CCSER1: variants seen among roughly 807,000 people sequenced by gnomAD.
CCSER1 encodes the protein coiled-coil serine rich protein 1.
In CCSER1, 41 loss-of-function variants were observed where a neutral mutation model predicts 82.0. The observed-to-expected ratio is 0.50, with a 90% CI of 0.39 to 0.65. CCSER1 has a LOEUF of 0.65. Among genes scored for constraint, CCSER1 ranks in the 30% least tolerant of loss-of-function variants. CCSER1 has a pLI of 0.00. For synonymous variants in CCSER1, 414 were observed against 383.9 expected (o/e 1.08, Z -0.92); for missense variants, 1,119 against 1,064.2 (o/e 1.05, Z -0.72).
chr4:91,080,779 C>T (rs1037342567), intron 9 of CCSER1, among the ~76,000 whole-genome samples: 1 of 152,172 alleles, frequency 6.6e-6, no homozygotes, highest in African/African-American at 2.4e-5. Flanking sequence ...TCAGAGAATA[C>T]TATAAACACC....
chr4:91,450,492 G>A (rs866992851), intron 10 of CCSER1, among the ~76,000 whole-genome samples: 5 of 151,904 alleles, frequency 3.3e-5, no homozygotes, highest in East Asian at 1.9e-4. Flanking sequence ...TTCACACATC[G>A]GACTATAGGT....
In CCSER1 at chr4:90,874,624, G is replaced by A. The variant is rs4144815; in HGVS notation, c.2095-48746G>A. Among the ~76,000 whole-genome samples, 205 of 152,200 alleles carry A rather than the reference G, an allele frequency of 1.3e-3. 4 individuals are homozygous for A. In the East Asian group the frequency reaches 0.021, roughly 16 times the overall value. ...TTTGTCTAAGTATTTCACAAAAAAC[G>A]AATTCAACAAATGCTTATAGATGAC... On this transcript the variant is annotated intron_variant, in intron 8 of 10. Coordinates refer to ENST00000509176, the MANE Select transcript of CCSER1 (RefSeq NM_001145065.2).
At chr4:90,299,050 CAAGATT>C (rs1732572649) in intron 1 of CCSER1, among the ~76,000 whole-genome samples, 2 of 151,206 alleles carry the variant, frequency 1.3e-5, no homozygotes, top group Admixed American at 6.6e-5. Flanking sequence ...GGCTGAGTAT[CAAGATT>C]ACGTATATAA....
chr4:90,971,541 G>A (rs763246389), intron 9 of CCSER1, among the ~76,000 whole-genome samples: 4 of 151,890 alleles, frequency 2.6e-5, no homozygotes, highest in Non-Finnish European at 5.9e-5. Flanking sequence ...GCAAAGAAAA[G>A]CCTGCAACCA....
At chr4:91,480,022 T>A (rs1268944821) in intron 10 of CCSER1, among the ~76,000 whole-genome samples, 2 of 145,856 alleles carry the variant, frequency 1.4e-5, no homozygotes, top group Non-Finnish European at 3.0e-5. Flanking sequence ...GATAGTTTAC[T>A]GAGAATGATG....
At chr4:90,667,300 T>C (rs1303202588) in intron 6 of CCSER1, among the ~76,000 whole-genome samples, 1 of 152,144 alleles carries the variant, frequency 6.6e-6, no homozygotes, top group Non-Finnish European at 1.5e-5. Flanking sequence ...CATTGTGTCA[T>C]TGTGAAGATT....
intron 9 of CCSER1, among the ~76,000 whole-genome samples, chr4:91,013,698 G>T (rs1424461586): frequency 1.6e-5 from 2 of 127,268 alleles, no homozygotes; most frequent in Non-Finnish European, 3.6e-5. Flanking sequence ...CGCCTCCCGG[G>T]TTCACGCCAT....
chr4:91,060,555 A>G (rs1743870222), intron 9 of CCSER1, among the ~76,000 whole-genome samples: 2 of 152,060 alleles, frequency 1.3e-5, no homozygotes, highest in South Asian at 4.1e-4. Context: ...ATGTCATTGA[A>G]TAAGTTTTTA....
At chr4:90,770,754 ATTT>A (rs1334902721) in intron 7 of CCSER1, among the ~76,000 whole-genome samples, 1 of 151,972 alleles carries the variant, frequency 6.6e-6, no homozygotes, top group African/African-American at 2.4e-5. Context: ...CTTTCATGAG[ATTT>A]TGTTTTCTGT....
At chr4:90,643,580 T>C (rs1726963230) in intron 6 of CCSER1, among the ~76,000 whole-genome samples, 1 of 152,202 alleles carries the variant, frequency 6.6e-6, no homozygotes, top group South Asian at 2.1e-4. Flanking sequence ...TGTGTTAATA[T>C]ACTTCAAATG....
chr4:91,345,748 G>A (rs544789376), intron 10 of CCSER1, among the ~76,000 whole-genome samples: 1 of 152,124 alleles, frequency 6.6e-6, no homozygotes, highest in South Asian at 2.1e-4. Context: ...TATGAATTTT[G>A]AAATGTATAA....
Position 90,451,586 on chromosome 4 carries a change from G to A in CCSER1, c.1604-16648G>A, listed in dbSNP as rs376202805. Among the ~76,000 whole-genome samples, 5 of 152,224 alleles carry A rather than the reference G, an allele frequency of 3.3e-5. No homozygotes were observed. In the East Asian group the frequency reaches 9.6e-4, roughly 29 times the overall value. On this transcript the variant is annotated intron_variant, in intron 4 of 10. Coordinates refer to ENST00000509176, the MANE Select transcript of CCSER1 (RefSeq NM_001145065.2). ...TAAGAACCCAGCTGGAACCCAGCTGGAAGCTGGTAGATGAAGCTTGCTCTC... is the reference window on the plus strand; with the variant it reads ...TAAGAACCCAGCTGGAACCCAGCTGAAAGCTGGTAGATGAAGCTTGCTCTC...
chr4:90,873,951 T>C (rs1174714246), intron 8 of CCSER1, among the ~76,000 whole-genome samples: 3 of 152,160 alleles, frequency 2.0e-5, no homozygotes, highest in African/African-American at 4.8e-5. Flanking sequence ...TTTCAAAATA[T>C]AGGCAAACAG....
intron 10 of CCSER1, among the ~76,000 whole-genome samples, chr4:91,573,226 C>G (rs1228753798): frequency 6.6e-6 from 1 of 152,168 alleles, no homozygotes; most frequent in Non-Finnish European, 1.5e-5. Flanking sequence ...GGATGGTGTT[C>G]CACCCCCTCC....
At chr4:90,767,893 T>C (rs551310157) in intron 7 of CCSER1, among the ~76,000 whole-genome samples, 2 of 152,186 alleles carry the variant, frequency 1.3e-5, no homozygotes, top group East Asian at 1.9e-4. Flanking sequence ...GCTCAAGAGA[T>C]CCACACACCT....
At chr4:91,060,016 TTCAA>T (rs769967964) in intron 9 of CCSER1, among the ~76,000 whole-genome samples, 8 of 152,056 alleles carry the variant, frequency 5.3e-5, no homozygotes, top group Non-Finnish European at 1.2e-4. Flanking sequence ...TGAGCAATCA[TTCAA>T]TCAGTCTTTT....
chr4:91,133,152 T>C (rs1189584702), intron 10 of CCSER1, among the ~76,000 whole-genome samples: 1 of 152,216 alleles, frequency 6.6e-6, no homozygotes, highest in East Asian at 1.9e-4. Flanking sequence ...TCACCTTCTC[T>C]TCTTTAAATA....
At chr4:91,039,232 A>G (rs1396040564) in intron 9 of CCSER1, among the ~76,000 whole-genome samples, 1 of 150,682 alleles carries the variant, frequency 6.6e-6, no homozygotes, top group South Asian at 2.1e-4. Context: ...TTATGGAGAC[A>G]GGGTCTCACT....
intron 1 of CCSER1, among the ~76,000 whole-genome samples, chr4:90,180,883 G>A (rs1733610360): frequency 6.6e-6 from 1 of 152,084 alleles, no homozygotes; most frequent in Non-Finnish European, 1.5e-5. Flanking sequence ...AAGACTATAG[G>A]TTGAGTACTA....
Sources: allele counts gnomAD v4.1 joint callset (sites outside exome capture counted in the v4.1 genomes callset), GRCh38; gene constraint gnomAD v4.1.1; transcripts MANE v1.5; gene names NCBI Gene and HGNC (gene_info 2026-07-23, HGNC 2026-07-21).